The following C15orf39 variants were observed in gnomAD, a reference collection of about 807,000 sequenced individuals.
C15orf39 encodes PRMT2 interacting protein.
Under a neutral mutation model 53.9 loss-of-function variants are expected in C15orf39, and 24 were observed. The ratio of observed to expected loss-of-function variants is 0.45; its 90% CI spans 0.32 to 0.63. The LOEUF is 0.63. C15orf39 is among the 20% of genes least tolerant of loss of function. The probability of loss-of-function intolerance (pLI) is 0.04; values close to 1 mark genes in which losing one functional copy is unlikely to be tolerated. For missense variants in C15orf39, 1,271 were observed against 1,347.9 expected, an observed-to-expected ratio of 0.94 and a Z score of 0.89; for synonymous variants, 569 against 576.5, an observed-to-expected ratio of 0.99 and a Z score of 0.19.
In C15orf39 at chr15:75,208,370, G is replaced by A; in HGVS notation, c.2322G>A (p.Leu774=). The A allele has an allele frequency of 6.3e-7, 1 of 1,596,254 alleles. No individual in the cohort carries two copies. Among genetic ancestry groups the A allele is most frequent in the Non-Finnish European group, 8.5e-7 (1 of 1,171,484 alleles). Reference sequence around the variant, plus strand: ...ATTTTACAGGACTACATGCGTCCCTGTGTGATGCTATTTCTGGCTCCGTCG... The same window carrying A: ...ATTTTACAGGACTACATGCGTCCCTATGTGATGCTATTTCTGGCTCCGTCG... ...EQHFTGLHAS[L]CDAISGSVAH... The change falls in exon 2 of 3, where the codon CTG becomes CTA. Residue 774 remains leucine, a synonymous_variant. Coordinates refer to ENST00000394987, the MANE Select transcript of C15orf39 (RefSeq NM_015492.5).
chr15:75,211,316 A>G lies in C15orf39; in HGVS notation c.*200A>G. The G allele has an allele frequency of 1.7e-6, 1 of 602,872 alleles. No homozygotes were observed. The highest frequency in any genetic ancestry group is 3.6e-5 in the Admixed American group (1 of 27,932). 37.3% of individuals were successfully genotyped at this position (602,872 alleles called of 1,614,324 possible). On this transcript the variant is annotated 3_prime_UTR_variant, in exon 3 of 3. Coordinates refer to ENST00000394987, the MANE Select transcript of C15orf39 (RefSeq NM_015492.5). ...GTGAGGGTCTTTATTGGATAGGACT[A>G]CTCCCTATTTCTTGCCTAGAGAACA...
chr15:75,199,662 G>C (rs2070389581), upstream of C15orf39, among the ~76,000 whole-genome samples: 1 of 152,172 alleles, frequency 6.6e-6, no homozygotes, highest in Admixed American at 6.5e-5. Flanking sequence ...GAAGTAACTG[G>C]TGTCTGGGGT....
Position 75,206,022 on chromosome 15 carries a change from C to T in C15orf39, c.-27C>T, listed in dbSNP as rs1400498948. 6.5e-7 allele frequency: 1 copy of T among 1,545,658 alleles called. No individual in the cohort carries two copies. Among genetic ancestry groups the T allele is most frequent in the Non-Finnish European group, 8.7e-7 (1 of 1,146,274 alleles). On this transcript the variant is annotated 5_prime_UTR_variant, in exon 2 of 3. Coordinates refer to ENST00000394987, the MANE Select transcript of C15orf39 (RefSeq NM_015492.5). The stretch of plus-strand genomic sequence containing the variant: ...AGGTCAGAAGTTGAGTAGCAGGGGC[C>T]TAGGAGGGCTCGAAGCCTTCACAGC...
Position 75,208,341 on chromosome 15 carries a change from C to G in C15orf39, c.2293C>G (p.Gln765Glu), listed in dbSNP as rs1368734666. 1 of 1,581,560 alleles carries G rather than the reference C, an allele frequency of 6.3e-7. No individual in the cohort carries two copies. Among genetic ancestry groups the G allele is most frequent in the Non-Finnish European group, 8.6e-7 (1 of 1,163,580 alleles). ...STSAPGDSLE[Q>E]HFTGLHASLC... is the part of the protein sequence containing the mutation. ...TTCAGCCCCAGGGGACTCCCTGGAG[C>G]AGCATTTTACAGGACTACATGCGTC... Residue 765 changes from glutamine to glutamate, a missense_variant, in exon 2 of 3, where the codon CAG becomes GAG. Transcript: ENST00000394987.
chr15:75,208,828 A>G lies in C15orf39; in HGVS notation c.2776+4A>G. ...GACTGTGTACGCCGCCAGCTGGGTG[A>G]GCATGGGGCAGCCCCAGTGGCCACC... On this transcript the variant is annotated splice_donor_region_variant and intron_variant, in intron 2 of 2. Transcript: ENST00000394987. 1 of 1,583,770 alleles carries G rather than the reference A, an allele frequency of 6.3e-7. No homozygotes were observed. Among genetic ancestry groups the G allele is most frequent in the East Asian group, 2.2e-5 (1 of 44,548 alleles).
intron 1 of C15orf39, among the ~76,000 whole-genome samples, chr15:75,202,954 C>T (rs1717928638): frequency 6.6e-6 from 1 of 152,164 alleles, no homozygotes; most frequent in African/African-American, 2.4e-5. Flanking sequence ...ATGTTCAGGG[C>T]GGGTAGGGGA....
At chr15:75,210,102 G>A (rs539070643) in intron 2 of C15orf39, among the ~76,000 whole-genome samples, 21 of 152,242 alleles carry the variant, frequency 1.4e-4, no homozygotes, top group Admixed American at 1.1e-3. Context: ...GTGGAGTCTG[G>A]GCACTCCACA....
chr15:75,200,962 C>T (rs569335104), upstream of C15orf39, among the ~76,000 whole-genome samples: 45 of 152,040 alleles, frequency 3.0e-4, no homozygotes, highest in Non-Finnish European at 2.4e-4. Context: ...CTGACTCAGG[C>T]AGAACTTACC....
intron 2 of C15orf39, 36 bp downstream of exon 2, chr15:75,208,860 G>A (rs758983061): frequency 1.3e-6 from 2 of 1,553,914 alleles, no homozygotes; most frequent in Non-Finnish European, 1.7e-6. Flanking sequence ...CACCGGAGCT[G>A]TGTGAGCAAG....
Position 75,208,517 on chromosome 15 carries a change from G to A in C15orf39, c.2469G>A (p.Gln823=). ...TGGCCAAGCTGCTGTCTCAGCTGCA[G>A]CGCTTCGATCGCACCCACCGGTGCC... ...GLLAKLLSQL[Q]RFDRTHRCPF... The change falls in exon 2 of 3, where the codon CAG becomes CAA. Residue 823 remains glutamine, a synonymous_variant. Coordinates refer to ENST00000394987, the MANE Select transcript of C15orf39 (RefSeq NM_015492.5). The A allele has an allele frequency of 6.3e-7, 1 of 1,584,000 alleles. No homozygotes were observed. The highest frequency in any genetic ancestry group is 8.6e-7 in the Non-Finnish European group (1 of 1,167,536).
At position 75,208,527 on chromosome 15, in the gene C15orf39, C is replaced by T. The variant is rs149317889; in HGVS notation, c.2479C>T (p.Arg827Cys). Reference sequence around the variant, plus strand: ...GCTGTCTCAGCTGCAGCGCTTCGATCGCACCCACCGGTGCCCCTTCCCCCA... The same window carrying T: ...GCTGTCTCAGCTGCAGCGCTTCGATTGCACCCACCGGTGCCCCTTCCCCCA... ...KLLSQLQRFD[R>C]THRCPFPHVV... Residue 827 changes from arginine to cysteine, a missense_variant, in exon 2 of 3, where the codon CGC becomes TGC. Arg to Cys is a radical substitution (Grantham distance 180). This residue lies in a region of C15orf39 where 277 missense variants were observed against 354.1 expected (regional missense o/e 0.78). Coordinates refer to ENST00000394987, the MANE Select transcript of C15orf39 (RefSeq NM_015492.5). The T allele has an allele frequency of 1.3e-5, 21 of 1,577,584 alleles. No homozygotes were observed. Among genetic ancestry groups the T allele is most frequent in the South Asian group, 1.3e-4 (11 of 87,248 alleles).
chr15:75,203,286 C>A (rs549380400), intron 1 of C15orf39, among the ~76,000 whole-genome samples: 49 of 152,332 alleles, frequency 3.2e-4, no homozygotes, highest in Non-Finnish European at 1.8e-4. Context: ...TCTCCGGGAC[C>A]CTGGCCTGGG....
chr15:75,204,900 G>C (rs2070427857), intron 1 of C15orf39, among the ~76,000 whole-genome samples: 1 of 152,222 alleles, frequency 6.6e-6, no homozygotes, highest in South Asian at 2.1e-4. Context: ...TTGGGGGCTG[G>C]GGGTGGATCC....
chr15:75,204,836 CT>C (rs1221933677), intron 1 of C15orf39, among the ~76,000 whole-genome samples: 3 of 152,190 alleles, frequency 2.0e-5, no homozygotes, highest in Non-Finnish European at 4.4e-5. Context: ...ACACACGCCC[CT>C]GACGCTGTCT....
Position 75,208,091 on chromosome 15 carries a change from A to T in C15orf39, c.2043A>T (p.Ala681=). 1.9e-6 allele frequency: 3 copies of T among 1,613,872 alleles called. No individual in the cohort carries two copies. Among genetic ancestry groups the T allele is most frequent in the Non-Finnish European group, 2.5e-6 (3 of 1,179,974 alleles). Residue 681 remains alanine (A), a synonymous_variant, in exon 2 of 3, where the codon GCA becomes GCT. Coordinates refer to ENST00000394987, the MANE Select transcript of C15orf39 (RefSeq NM_015492.5). The part of the protein sequence containing the change: ...PTSAPAPTQP[A]PTPTSGPIGL... The stretch of plus-strand genomic sequence containing the variant: ...CAGCTCCTGCTCCCACACAGCCTGC[A>T]CCCACCCCCACATCTGGGCCCATTG...
rs1481511265 is a variant in C15orf39, at chr15:75,206,569, G to A, written c.521G>A (p.Cys174Tyr). The change falls in exon 2 of 3, where the codon TGC becomes TAC. Residue 174 changes from cysteine to tyrosine, a missense_variant. Physicochemically the swap from Cys to Tyr is radical, Grantham distance 194. Coordinates refer to ENST00000394987, the MANE Select transcript of C15orf39 (RefSeq NM_015492.5). ...CTGTTGCCCTCAGCTGACCCACCCTGCTCTCTGGCCCCAGCTCCTAGCAAG... is the reference window on the plus strand; with the variant it reads ...CTGTTGCCCTCAGCTGACCCACCCTACTCTCTGGCCCCAGCTCCTAGCAAG... Reference protein sequence around the residue: ...GPLLPSADPPCSLAPAPSKGQ... With the variant: ...GPLLPSADPPYSLAPAPSKGQ... 1.2e-6 allele frequency: 2 copies of A among 1,613,842 alleles called. No homozygotes were observed. Among genetic ancestry groups the A allele is most frequent in the East Asian group, 2.2e-5 (1 of 44,880 alleles).
At chr15:75,202,771 C>T (rs562067634) in intron 1 of C15orf39, among the ~76,000 whole-genome samples, 1 of 152,258 alleles carries the variant, frequency 6.6e-6, no homozygotes, top group Admixed American at 6.5e-5. Flanking sequence ...GGGCCATGCA[C>T]GTACGTGCAG....
rs762939565 is a variant in C15orf39, at chr15:75,208,668, C to T, written c.2620C>T (p.Arg874Trp). 3.1e-6 allele frequency: 5 copies of T among 1,606,270 alleles called. No individual in the cohort carries two copies. The highest frequency in any genetic ancestry group is 1.3e-5 in the African/African-American group (1 of 74,896). The part of the protein sequence containing the change: ...HVLQEHRVEL[R>W]PTTLSEERAL... ...GCTGCAGGAGCATCGTGTGGAGCTG[C>T]GGCCCACCACGCTGTCGGAGGAGCG... Residue 874 changes from arginine to tryptophan, a missense_variant, in exon 2 of 3, where the codon CGG (arginine) becomes TGG (tryptophan). By Grantham distance (101) the Arg-to-Trp change is moderately radical. This residue lies in a region of C15orf39 where 277 missense variants were observed against 354.1 expected (regional missense o/e 0.78). Coordinates refer to ENST00000394987, the MANE Select transcript of C15orf39 (RefSeq NM_015492.5).
Position 75,208,402 on chromosome 15 carries a change from C to T in C15orf39, c.2354C>T (p.Ser785Phe). The T allele has an allele frequency of 1.2e-6, 2 of 1,606,140 alleles. No individual in the cohort carries two copies. Among genetic ancestry groups the T allele is most frequent in the Non-Finnish European group, 1.7e-6 (2 of 1,177,594 alleles). ...GCTATTTCTGGCTCCGTCGCCCACT[C>T]TCCTCCAGAGAAGCTTCGCGAGTGG... ...CDAISGSVAH[S>F]PPEKLREWLE... The change falls in exon 2 of 3, where the codon TCT becomes TTT. Residue 785 changes from serine (S) to phenylalanine (F), a missense_variant. Coordinates refer to ENST00000394987, the MANE Select transcript of C15orf39 (RefSeq NM_015492.5).
Sources: gnomAD v4.1 joint callset for allele counts (sites outside exome capture counted in the v4.1 genomes callset) on GRCh38, gnomAD v4.1.1 for gene constraint, gnomAD v4.1.1 regional missense constraint, MANE v1.5 for transcripts, NCBI Gene and HGNC (gene_info 2026-07-23, HGNC 2026-07-21) for gene names.